The following CCDC88C variants were observed in gnomAD, a reference collection of about 807,000 sequenced individuals.
CCDC88C encodes coiled-coil and HOOK domain protein 88C, also known as protein Daple.
Under a neutral mutation model 198.8 loss-of-function variants are expected in CCDC88C, and 131 were observed. The observed-to-expected ratio is 0.66, with a 90% CI of 0.57 to 0.76. CCDC88C has a LOEUF of 0.76. Ranked by LOEUF, CCDC88C falls within the 30% of genes least tolerant of loss-of-function variation. The pLI is 0.00. For missense variants in CCDC88C, 2,553 were observed against 2,631.6 expected (o/e 0.97, Z 0.65); for synonymous variants, 1,166 against 1,114.7 (o/e 1.05, Z -0.92).
chr14:91,281,560 C>T (rs540873605), intron 26 of CCDC88C, 35 bp from the exon 27 acceptor site: 19 of 1,594,404 alleles, frequency 1.2e-5, no homozygotes, highest in Admixed American at 3.3e-5. Flanking sequence ...GTCATGGTTA[C>T]GGAACATGCC....
At chr14:91,306,861 G>A (rs367913869) in intron 18 of CCDC88C, among the ~76,000 whole-genome samples, 177 bp downstream of exon 18, 2 of 152,212 alleles carry the variant, frequency 1.3e-5, no homozygotes, top group Non-Finnish European at 2.9e-5. Context: ...TGAGAATCAC[G>A]GAAGGGACCT....
chr14:91,293,088 GT>G (rs1890738966), intron 23 of CCDC88C, among the ~76,000 whole-genome samples: 1 of 32,104 alleles, frequency 3.1e-5, no homozygotes, highest in East Asian at 6.6e-4. Flanking sequence ...CCACCTTCCT[GT>G]CCTCACCTGC....
intron 10 of CCDC88C, among the ~76,000 whole-genome samples, chr14:91,328,367 C>T (rs1017338363): frequency 2.6e-5 from 4 of 152,186 alleles, no homozygotes; most frequent in African/African-American, 2.4e-5. Context: ...TCCAAGCTCC[C>T]GAAGCAAGCC....
chr14:91,360,252 T>TCACA lies in CCDC88C; in HGVS notation c.271-545_271-542dup, dbSNP rs57026211. Among the ~76,000 whole-genome samples the TCACA allele has an allele frequency of 8.6e-3, 1,237 of 144,300 alleles. 3 individuals carry two copies. Among genetic ancestry groups the TCACA allele is most frequent in the African/African-American group, 0.012 (458 of 38,732 alleles). 94.7% of individuals were successfully genotyped at this position (144,300 alleles called of 152,430 possible). A position where few individuals can be genotyped will look rare whatever the true frequency, so the allele number is the denominator to read the frequency against. On this transcript the variant is annotated intron_variant, in intron 3 of 29. Transcript: ENST00000389857. The stretch of plus-strand genomic sequence containing the variant: ...TGGGCAACATAGCAAGACCCCATCT[T>TCACA]CACACACACACACACACACACACAC...
chr14:91,321,322 T>TCAGAGCC lies in CCDC88C; in HGVS notation c.1343-25_1343-19dup, dbSNP rs1892347282. ...CCTGGAGGCTGAAGACAAAGTCCAG[T>TCAGAGCC]CAGAGCCCAGTGGTCTGTGGGCCTC... On this transcript the variant is annotated intron_variant, in intron 12 of 29. Transcript: ENST00000389857. The TCAGAGCC allele has an allele frequency of 6.5e-7, 1 of 1,549,808 alleles. No homozygotes were observed. The highest frequency in any genetic ancestry group is 2.0e-5 in the Admixed American group (1 of 51,012).
Position 91,321,408 on chromosome 14 carries a change from G to C in CCDC88C, c.1343-104C>G. The C allele has an allele frequency of 7.9e-6, 10 of 1,261,846 alleles. No homozygotes were observed. The South Asian group carries it at 1.3e-4, about 17-fold the overall frequency. The allele number at this position is 1,261,846 out of a possible 1,614,324, so 78.2% of individuals were successfully genotyped here. On this transcript the variant is annotated intron_variant, in intron 12 of 29. Transcript: ENST00000389857. ...ATCAGTCCCGGAGTCCAGGGTCTAA[G>C]GGGCTGGGGAGGAGCTCCCACAGGT...
chr14:91,272,651 C>A lies in CCDC88C; in HGVS notation c.6061G>T (p.Val2021Leu). 6.2e-7 allele frequency: 1 copy of A among 1,611,148 alleles called. No homozygotes were observed. The highest frequency in any genetic ancestry group is 8.5e-7 in the Non-Finnish European group (1 of 1,179,850). ...CACACACAGCCGTACTCATACCACA[C>A]GGTCTGCGGATCCCCGCCGGGCTCC... The part of the protein sequence containing the change: ...SPEPGGDPQT[V>L]WYEYGCV The change falls in exon 30 of 30, where the codon GTG (valine) becomes TTG (leucine). Residue 2021 changes from valine (V) to leucine (L), a missense_variant. Val to Leu is a conservative substitution (Grantham distance 32). Around this residue, in one of 2 missense-constraint regions of CCDC88C, gnomAD observed 1,293 missense variants for 1,219.6 expected, o/e 1.06. Coordinates refer to ENST00000389857, the MANE Select transcript of CCDC88C (RefSeq NM_001080414.4).
At chr14:91,412,399 T>C (rs1258573311) in intron 2 of CCDC88C, among the ~76,000 whole-genome samples, 3 of 152,066 alleles carry the variant, frequency 2.0e-5, no homozygotes, top group Non-Finnish European at 4.4e-5. Flanking sequence ...TCTGTATATA[T>C]TCCTATTCTC....
chr14:91,413,238 G>GA (rs1355980325), intron 2 of CCDC88C, among the ~76,000 whole-genome samples: 1 of 152,162 alleles, frequency 6.6e-6, no homozygotes, highest in Non-Finnish European at 1.5e-5. Context: ...CACAAACTCA[G>GA]ATCTGGGCCT....
Position 91,321,189 on chromosome 14 carries a change from G to C in CCDC88C, c.1458C>G (p.Ser486=), listed in dbSNP as rs1356504905. Residue 486 remains serine, a synonymous_variant, in exon 13 of 30, where the codon TCC becomes TCG. Coordinates refer to ENST00000389857, the MANE Select transcript of CCDC88C (RefSeq NM_001080414.4). ...TGAGGCCGCTCTCCTCCAACACCAG[G>C]GACGCGTCCCGCAGCCCCTGGATGG... ...QSTIQGLRDA[S]LVLEESGLKC... The C allele has an allele frequency of 3.1e-6, 5 of 1,612,878 alleles. No individual in the cohort carries two copies. In the East Asian group the frequency reaches 1.1e-4, roughly 36 times the overall value.
intron 27 of CCDC88C, chr14:91,279,508 G>A: frequency 3.8e-6 from 2 of 523,944 alleles, no homozygotes; most frequent in Admixed American, 3.3e-5. Context: ...CACAGCACAA[G>A]CAGCCATCAA....
At position 91,303,926 on chromosome 14, in the gene CCDC88C, G is replaced by A. The variant is rs1173847504; in HGVS notation, c.3410C>T (p.Thr1137Met). ...GGCCGTGTGGTGGTTCTGCAGCAGC[G>A]TGTACTGCGCGGTGAGCGCTGCGCT... ...SQSAALTAQY[T>M]LLQNHHTAKE... The change falls in exon 20 of 30, where the codon ACG becomes ATG. Residue 1137 changes from threonine (T) to methionine (M), a missense_variant. Around this residue, in one of 2 missense-constraint regions of CCDC88C, gnomAD observed 1,293 missense variants for 1,219.6 expected, o/e 1.06. Transcript: ENST00000389857. The A allele has an allele frequency of 5.0e-6, 8 of 1,611,384 alleles. No individual in the cohort carries two copies. Among genetic ancestry groups the A allele is most frequent in the Non-Finnish European group, 6.8e-6 (8 of 1,179,880 alleles).
chr14:91,304,260 G>A (rs1318685664), intron 19 of CCDC88C, among the ~76,000 whole-genome samples: 1 of 152,170 alleles, frequency 6.6e-6, no homozygotes, highest in African/African-American at 2.4e-5. Flanking sequence ...ACTCCCTTGT[G>A]TGCTGTGCCC....
chr14:91,326,259 G>A (rs953929800), intron 10 of CCDC88C, among the ~76,000 whole-genome samples: 3 of 151,884 alleles, frequency 2.0e-5, no homozygotes, highest in African/African-American at 7.3e-5. Flanking sequence ...TGTCGCCCAG[G>A]CTGGGGTGCA....
intron 10 of CCDC88C, among the ~76,000 whole-genome samples, chr14:91,334,075 T>TA (rs1334264600): frequency 6.6e-6 from 1 of 152,214 alleles, no homozygotes; most frequent in Admixed American, 6.5e-5. Flanking sequence ...CCCATACACA[T>TA]ACCACCTAGA....
chr14:91,294,312 A>G lies in CCDC88C; in HGVS notation c.3973T>C (p.Ser1325Pro). Reference protein sequence around the residue: ...TKLDNHCELLSRLKGNLEEEN... With the variant: ...TKLDNHCELLPRLKGNLEEEN... ...TCCTCCAAGTTCCCCTTGAGACGGG[A>G]GAGCAGCTAGAACACAGACCAACAG... The change falls in exon 23 of 30, where the codon TCC (serine) becomes CCC (proline). Residue 1325 changes from serine to proline, a missense_variant. Around this residue, in one of 2 missense-constraint regions of CCDC88C, gnomAD observed 1,293 missense variants for 1,219.6 expected, o/e 1.06. Transcript: ENST00000389857. 1 of 1,613,892 alleles carries G rather than the reference A, an allele frequency of 6.2e-7. No individual in the cohort carries two copies. Among genetic ancestry groups the G allele is most frequent in the South Asian group, 1.1e-5 (1 of 91,086 alleles).
chr14:91,377,605 A>AG (rs1884515748), intron 3 of CCDC88C, among the ~76,000 whole-genome samples: 1 of 152,130 alleles, frequency 6.6e-6, no homozygotes, highest in Non-Finnish European at 1.5e-5. Context: ...TCACAGTATA[A>AG]TCATTATGTA....
chr14:91,351,097 A>T (rs777781325), intron 4 of CCDC88C, among the ~76,000 whole-genome samples: 2 of 152,120 alleles, frequency 1.3e-5, no homozygotes, highest in Non-Finnish European at 2.9e-5. Flanking sequence ...AGTGAGGTTA[A>T]CTGTTAGCAT....
rs566675916 is a variant in CCDC88C at position 91,356,425 on chromosome 14, C to T, written c.340+3217G>A. Among the ~76,000 whole-genome samples the T allele has an allele frequency of 4.6e-5, 7 of 152,236 alleles. No individual in the cohort carries two copies. The East Asian group carries it at 7.7e-4, about 17-fold the overall frequency. On this transcript the variant is annotated intron_variant, in intron 4 of 29. Transcript: ENST00000389857. Reference sequence around the variant, plus strand: ...GGTGATGGGTAGAGTTATTCCCGTCCTTCACTTTCCCAGCCCTCACTGTCC... The same window carrying T: ...GGTGATGGGTAGAGTTATTCCCGTCTTTCACTTTCCCAGCCCTCACTGTCC...
Sources: allele counts gnomAD v4.1 joint callset (sites outside exome capture counted in the v4.1 genomes callset), GRCh38; gene constraint gnomAD v4.1.1; regional missense constraint gnomAD v4.1.1; transcripts MANE v1.5; gene names NCBI Gene and HGNC (gene_info 2026-07-23, HGNC 2026-07-21).